The following CSMD1 variants were observed in gnomAD, a reference collection of about 807,000 sequenced individuals.
CSMD1 encodes the protein CUB and sushi domain-containing protein 1.
In CSMD1, 213 loss-of-function variants were observed where a neutral mutation model predicts 417.5. The ratio of observed to expected loss-of-function variants is 0.51; its 90% CI spans 0.46 to 0.57. CSMD1 has a LOEUF of 0.57. CSMD1 is among the 20% of genes least tolerant of loss of function. The pLI is 0.00. For synonymous variants in CSMD1, 2,862 were observed against 1,736.8 expected, an observed-to-expected ratio of 1.65 and a Z score of -16.11; for missense variants, 6,923 against 4,529.7, an observed-to-expected ratio of 1.53 and a Z score of -15.17.
At chr8:4,443,710 A>G (rs111445326) in intron 2 of CSMD1, among the ~76,000 whole-genome samples, 3 of 152,350 alleles carry the variant, frequency 2.0e-5, no homozygotes, top group African/African-American at 7.2e-5. Flanking sequence ...AAATTCTAGC[A>G]GCAGTTGGCT....
At chr8:4,348,435 A>C (rs1800899286) in intron 3 of CSMD1, among the ~76,000 whole-genome samples, 1 of 152,124 alleles carries the variant, frequency 6.6e-6, no homozygotes, top group Non-Finnish European at 1.5e-5. Context: ...TAAAAATCAG[A>C]ATATTAGGCC....
intron 5 of CSMD1, among the ~76,000 whole-genome samples, chr8:3,794,972 TATAG>T (rs1799960852): frequency 1.3e-5 from 2 of 151,976 alleles, no homozygotes; most frequent in African/African-American, 4.8e-5. Context: ...CATGTATAGC[TATAG>T]ATATATATCT....
At chr8:4,266,180 T>C (rs1804215739) in intron 3 of CSMD1, among the ~76,000 whole-genome samples, 1 of 104,742 alleles carries the variant, frequency 9.5e-6, no homozygotes, top group African/African-American at 2.6e-5. Flanking sequence ...CCAGTGTTAT[T>C]CACCAAGTTG....
At chr8:4,934,743 C>G (rs868455101) in intron 1 of CSMD1, among the ~76,000 whole-genome samples, 2 of 152,120 alleles carry the variant, frequency 1.3e-5, no homozygotes, top group Non-Finnish European at 2.9e-5. Context: ...TATAAACTAT[C>G]TATATCTATC....
intron 10 of CSMD1, among the ~76,000 whole-genome samples, chr8:3,524,079 GCA>G (rs893226252): frequency 1.5e-5 from 2 of 129,038 alleles, no homozygotes; most frequent in African/African-American, 5.9e-5. Context: ...ACTTACACAT[GCA>G]CACACGCATG....
intron 9 of CSMD1, among the ~76,000 whole-genome samples, chr8:3,585,726 T>C (rs1220078019): frequency 6.6e-6 from 1 of 152,182 alleles, no homozygotes; most frequent in East Asian, 1.9e-4. Context: ...CTTTTATTAC[T>C]TACATAATTA....
At chr8:3,227,001 GT>G (rs1477104212) in intron 27 of CSMD1, among the ~76,000 whole-genome samples, 1 of 152,012 alleles carries the variant, frequency 6.6e-6, no homozygotes, top group Non-Finnish European at 1.5e-5. Context: ...TCATCACTTT[GT>G]GCCTTAAAAT....
chr8:4,637,765 G>A (rs923433312), intron 1 of CSMD1, among the ~76,000 whole-genome samples: 3 of 145,464 alleles, frequency 2.1e-5, no homozygotes, highest in Admixed American at 7.5e-5. Flanking sequence ...CCGCTTCCCG[G>A]GTTCACGCCA....
chr8:4,651,464 C>T (rs562214925), intron 1 of CSMD1, among the ~76,000 whole-genome samples: 1 of 152,054 alleles, frequency 6.6e-6, no homozygotes, highest in Non-Finnish European at 1.5e-5. Flanking sequence ...TAGTCATATA[C>T]TGGTGGGGGG....
intron 54 of CSMD1, among the ~76,000 whole-genome samples, chr8:2,995,606 G>A (rs774178680): frequency 2.6e-5 from 4 of 152,122 alleles, no homozygotes; most frequent in South Asian, 2.1e-4. Context: ...ATAACAGCTC[G>A]TAGCAGCATT....
intron 3 of CSMD1, among the ~76,000 whole-genome samples, chr8:4,320,725 T>C (rs954528747): frequency 5.3e-5 from 8 of 152,190 alleles, no homozygotes; most frequent in Non-Finnish European, 8.8e-5. Context: ...CCATGGTGTG[T>C]ATGTGCCACA....
At chr8:4,977,001 C>G (rs1378074545) in intron 1 of CSMD1, among the ~76,000 whole-genome samples, 2 of 152,116 alleles carry the variant, frequency 1.3e-5, no homozygotes, top group Non-Finnish European at 2.9e-5. Context: ...TCAGATGTCT[C>G]CCATGTGTAC....
chr8:3,970,485 G>A (rs1175156590), intron 5 of CSMD1, among the ~76,000 whole-genome samples: 6 of 152,248 alleles, frequency 3.9e-5, no homozygotes, highest in Admixed American at 3.3e-4. Flanking sequence ...AAGAAATTAT[G>A]AGAATGTTCA....
At chr8:3,720,282 A>G (rs76177131) in intron 6 of CSMD1, among the ~76,000 whole-genome samples, 10,910 of 152,204 alleles carry the variant, frequency 0.072, 504 homozygotes, top group African/African-American at 0.13. Flanking sequence ...TTAATCAATC[A>G]ATAGAGCTTA....
intron 5 of CSMD1, among the ~76,000 whole-genome samples, chr8:3,926,476 G>C (rs1300526894): frequency 1.3e-5 from 2 of 150,374 alleles, no homozygotes; most frequent in Admixed American, 6.7e-5. Context: ...TACATGTGTT[G>C]CATTTCATTA....
At chr8:3,037,366 C>G (rs1200611966) in intron 50 of CSMD1, among the ~76,000 whole-genome samples, 3 of 129,556 alleles carry the variant, frequency 2.3e-5, no homozygotes, top group Non-Finnish European at 3.5e-5. Context: ...CCACCAAGCC[C>G]AGCTAATTTT....
Position 4,182,744 on chromosome 8 carries a change from CA to C in CSMD1, c.416-150646del, listed in dbSNP as rs572785633. Among the ~76,000 whole-genome samples, 440 of 151,610 alleles carry C rather than the reference CA, an allele frequency of 2.9e-3. 3 individuals are homozygous for C. Among genetic ancestry groups the C allele is most frequent in the African/African-American group, 0.01 (425 of 41,014 alleles). ...AACAGCTATATAAATAATGGAACATCATTTTTTTTTCTCACTAGTAATGCAG... is the reference window on the plus strand; with the variant it reads ...AACAGCTATATAAATAATGGAACATCTTTTTTTTTCTCACTAGTAATGCAG... On this transcript the variant is annotated intron_variant, in intron 3 of 69. Transcript: ENST00000635120.
intron 3 of CSMD1, among the ~76,000 whole-genome samples, chr8:4,171,165 T>C (rs1797743578): frequency 6.6e-6 from 1 of 151,858 alleles, no homozygotes. Flanking sequence ...TGCTGTTAGT[T>C]TCCTCTGGAT....
At chr8:3,966,007 A>T (rs952658144) in intron 5 of CSMD1, among the ~76,000 whole-genome samples, 1 of 152,216 alleles carries the variant, frequency 6.6e-6, no homozygotes, top group East Asian at 1.9e-4. Context: ...TGAAGCATAG[A>T]TTCAATTTTA....
Sources: allele counts gnomAD v4.1 joint callset (sites outside exome capture counted in the v4.1 genomes callset), GRCh38; gene constraint gnomAD v4.1.1; transcripts MANE v1.5; gene names NCBI Gene and HGNC (gene_info 2026-07-23, HGNC 2026-07-21).